Variants in SEMA3D observed in about 807,000 individuals in gnomAD.
The protein encoded by SEMA3D is semaphorin-3D.
In SEMA3D, 84 loss-of-function variants were observed where a neutral mutation model predicts 100.1. The ratio of observed to expected loss-of-function variants is 0.84; its 90% confidence interval spans 0.70 to 1.01. The LOEUF is 1.01. Among genes scored for constraint, SEMA3D ranks in the 50% least tolerant of loss-of-function variants. The pLI, the probability that SEMA3D is intolerant of heterozygous loss-of-function variation, is 0.00. For missense variants in SEMA3D, 875 were observed against 934.1 expected, an observed-to-expected ratio of 0.94 and a Z score of 0.82; for synonymous variants, 312 against 320.7, an observed-to-expected ratio of 0.97 and a Z score of 0.29.
intron 1 of SEMA3D, among the ~76,000 whole-genome samples, chr7:85,170,325 A>C (rs1038307607): frequency 1.3e-5 from 2 of 151,926 alleles, no homozygotes; most frequent in Non-Finnish European, 2.9e-5. Context: ...GCAGGAAAAA[A>C]GATCATGAGG....
At chr7:85,078,286 G>A (rs918019998) in intron 5 of SEMA3D, among the ~76,000 whole-genome samples, 7 of 150,944 alleles carry the variant, frequency 4.6e-5, no homozygotes, top group Admixed American at 2.6e-4. Context: ...AGAAAAAAAG[G>A]AAGAAAAAAA....
At chr7:85,120,340 T>C (rs71560713) in intron 3 of SEMA3D, among the ~76,000 whole-genome samples, 17 of 152,076 alleles carry the variant, frequency 1.1e-4, no homozygotes, top group Non-Finnish European at 1.6e-4. Flanking sequence ...ATATCTATGA[T>C]TAAGAAATGG....
At chr7:85,152,045 A>G (rs753788194) in intron 2 of SEMA3D, among the ~76,000 whole-genome samples, 5 of 152,062 alleles carry the variant, frequency 3.3e-5, no homozygotes, top group Non-Finnish European at 7.4e-5. Flanking sequence ...TAACCACTGT[A>G]CAATTTTGTC....
At chr7:85,204,429 A>G in the SEMA3D span, among the ~76,000 whole-genome samples, 1 of 152,040 alleles carries the variant, frequency 6.6e-6, no homozygotes, top group Non-Finnish European at 1.5e-5. Flanking sequence ...GACTTAAACA[A>G]TAATATTTCG....
At chr7:85,167,395 C>T (rs1010585370) in intron 1 of SEMA3D, 2 of 984,104 alleles carry the variant, frequency 2.0e-6, no homozygotes, top group Non-Finnish European at 2.4e-6. Flanking sequence ...CTAGAAGGAT[C>T]GGTGGTTGTG....
At chr7:85,181,681 A>C (rs114027589) in intron 1 of SEMA3D, 122 of 514,738 alleles carry the variant, frequency 2.4e-4, no homozygotes, top group African/African-American at 2.3e-3. Flanking sequence ...CCTTCCAAAG[A>C]GTACAGCATG....
At chr7:85,100,037 G>C (rs756144407) in intron 3 of SEMA3D, among the ~76,000 whole-genome samples, 4 of 151,846 alleles carry the variant, frequency 2.6e-5, no homozygotes, top group Admixed American at 6.6e-5. Context: ...TTGGAGAATT[G>C]AAGTTTTTCT....
At chr7:85,106,475 G>A (rs926755936) in intron 3 of SEMA3D, among the ~76,000 whole-genome samples, 1 of 151,948 alleles carries the variant, frequency 6.6e-6, no homozygotes, top group Non-Finnish European at 1.5e-5. Context: ...AAAGCAAAAA[G>A]TTATGTGTGT....
intron 7 of SEMA3D, among the ~76,000 whole-genome samples, chr7:85,067,490 C>T (rs914936604): frequency 3.9e-5 from 6 of 152,158 alleles, no homozygotes; most frequent in African/African-American, 1.2e-4. Flanking sequence ...TCACTCTTAT[C>T]GTCTATTCAA....
intron 12 of SEMA3D, among the ~76,000 whole-genome samples, chr7:85,031,823 A>T (rs532009441): frequency 6.6e-6 from 1 of 152,100 alleles, no homozygotes; most frequent in Non-Finnish European, 1.5e-5. Flanking sequence ...AATATTCTGG[A>T]TATTTAGAGA....
At chr7:85,133,327 G>C (rs1199721872) in intron 2 of SEMA3D, among the ~76,000 whole-genome samples, 1 of 151,840 alleles carries the variant, frequency 6.6e-6, no homozygotes, top group Non-Finnish European at 1.5e-5. Context: ...ATTAAAAAGT[G>C]CCTCAGTCAG....
chr7:85,021,519 C>T (rs1336963371), intron 13 of SEMA3D, among the ~76,000 whole-genome samples: 3 of 151,808 alleles, frequency 2.0e-5, no homozygotes, highest in Middle Eastern at 6.8e-3. Flanking sequence ...CCTCTGATTC[C>T]GTCACACACA....
At chr7:85,030,429 A>G (rs541665234) in intron 12 of SEMA3D, among the ~76,000 whole-genome samples, 5 of 151,824 alleles carry the variant, frequency 3.3e-5, no homozygotes, top group African/African-American at 1.2e-4. Context: ...GTAAAAGTAA[A>G]ACTAAAACAA....
the SEMA3D span, among the ~76,000 whole-genome samples, chr7:85,227,303 A>G: frequency 6.6e-6 from 1 of 152,184 alleles, no homozygotes; most frequent in Non-Finnish European, 1.5e-5. Flanking sequence ...CTATGTGGAA[A>G]GGTAACCACC....
the SEMA3D span, among the ~76,000 whole-genome samples, chr7:85,212,618 A>C: frequency 6.6e-6 from 1 of 151,946 alleles, no homozygotes; most frequent in East Asian, 1.9e-4. Flanking sequence ...ATGTGAGAAA[A>C]ATGCTTCTTT....
chr7:85,050,483 A>G, intron 9 of SEMA3D: 1 of 294,534 alleles, frequency 3.4e-6, no homozygotes, highest in East Asian at 4.8e-5. Flanking sequence ...TCATTAGGAA[A>G]TGTGCTCTAC....
intron 3 of SEMA3D, among the ~76,000 whole-genome samples, chr7:85,113,361 G>T (rs1285588906): frequency 1.3e-5 from 2 of 152,066 alleles, no homozygotes; most frequent in Non-Finnish European, 2.9e-5. Context: ...CACAACAATA[G>T]AATCAAACAA....
At chr7:85,228,345 T>C in the SEMA3D span, among the ~76,000 whole-genome samples, 1 of 152,278 alleles carries the variant, frequency 6.6e-6, no homozygotes, top group East Asian at 1.9e-4. Flanking sequence ...CTATGCCAAT[T>C]TTCCGAATGG....
intron 12 of SEMA3D, among the ~76,000 whole-genome samples, chr7:85,027,150 C>T (rs149693677): frequency 9.9e-5 from 15 of 152,054 alleles, no homozygotes; most frequent in African/African-American, 3.1e-4. Context: ...TTTCTACAAC[C>T]GAACGGTATG....
Sources: gnomAD v4.1 joint callset for allele counts (sites outside exome capture counted in the v4.1 genomes callset) on GRCh38, gnomAD v4.1.1 for gene constraint, MANE v1.5 for transcripts, NCBI Gene and HGNC (gene_info 2026-07-23, HGNC 2026-07-21) for gene names.